The following MME variants were observed in gnomAD, a reference collection of about 807,000 sequenced individuals.
MME encodes neprilysin.
Under a neutral mutation model 113.2 loss-of-function variants are expected in MME, and 98 were observed. That is an observed-to-expected ratio of 0.87 (90% confidence interval 0.74 to 1.02). The LOEUF is 1.02. Ranked by LOEUF, MME falls within the 50% of genes least tolerant of loss-of-function variation. The pLI is 0.00. For synonymous variants in MME, 292 were observed against 300.6 expected (o/e 0.97, Z 0.30); for missense variants, 836 against 896.0 (o/e 0.93, Z 0.86).
chr3:155,042,356 A>C (rs1200944646), intron 1 of MME, among the ~76,000 whole-genome samples: 1 of 152,208 alleles, frequency 6.6e-6, no homozygotes, highest in African/African-American at 2.4e-5. Flanking sequence ...AGTAAGACAG[A>C]AACATATAAT....
At chr3:155,124,910 T>A (rs1276999903) in intron 8 of MME, among the ~76,000 whole-genome samples, 79 of 152,260 alleles carry the variant, frequency 5.2e-4, no homozygotes, top group Admixed American at 1.9e-3. Flanking sequence ...GAGCCTATAG[T>A]GGCAGGCAGG....
intron 1 of MME, among the ~76,000 whole-genome samples, chr3:155,025,198 G>A (rs1032306912): frequency 6.6e-6 from 1 of 152,140 alleles, no homozygotes; most frequent in African/African-American, 2.4e-5. Flanking sequence ...CCCAGCCTTT[G>A]CCACTATATG....
Position 155,143,388 on chromosome 3 carries a change from C to T in MME, c.1189-55C>T, listed in dbSNP as rs555178255. On this transcript the variant is annotated intron_variant, in intron 12 of 22. Transcript: ENST00000360490. The stretch of plus-strand genomic sequence containing the variant: ...ACATTTGTGAAATGTGTGCTCTTAA[C>T]ATGCTCCAGACCTTTCCTTCTGGTC... 139 of 1,596,506 alleles carry T rather than the reference C, an allele frequency of 8.7e-5. No individual in the cohort carries two copies. The Middle Eastern group carries it at 1.3e-3, about 15-fold the overall frequency.
At chr3:155,063,425 TA>T (rs1366171651) in intron 1 of MME, among the ~76,000 whole-genome samples, 3 of 90,362 alleles carry the variant, frequency 3.3e-5, no homozygotes, top group Non-Finnish European at 6.3e-5. Flanking sequence ...TTATTCATAA[TA>T]AAAATATTAT....
At chr3:155,047,700 C>T (rs1471508205) in intron 1 of MME, among the ~76,000 whole-genome samples, 2 of 152,116 alleles carry the variant, frequency 1.3e-5, no homozygotes. Context: ...TGTCTTTTCT[C>T]CTGACGATTA....
At chr3:155,142,897 C>T (rs1017304694) in intron 12 of MME, among the ~76,000 whole-genome samples, 4 of 152,112 alleles carry the variant, frequency 2.6e-5, no homozygotes, top group South Asian at 2.1e-4. Context: ...AAGAAAATAA[C>T]GTGGACTGAT....
intron 8 of MME, among the ~76,000 whole-genome samples, chr3:155,119,119 A>G (rs930501859): frequency 6.6e-6 from 1 of 152,208 alleles, no homozygotes; most frequent in Non-Finnish European, 1.5e-5. Context: ...TGTAAACTGC[A>G]TTATTTAAAA....
At chr3:155,093,630 G>T (rs1470738212) in intron 3 of MME, among the ~76,000 whole-genome samples, 2 of 152,134 alleles carry the variant, frequency 1.3e-5, no homozygotes, top group Admixed American at 1.3e-4. Flanking sequence ...GGCCGAGGCA[G>T]GTGGCTCACG....
chr3:155,172,086 T>C, intron 20 of MME, 31 bp from the exon 21 acceptor site: 1 of 1,230,404 alleles, frequency 8.1e-7, no homozygotes. Flanking sequence ...GGAATTAATA[T>C]TATTGTTTTT....
intron 1 of MME, among the ~76,000 whole-genome samples, chr3:155,031,297 C>T (rs565209421): frequency 3.0e-4 from 46 of 152,168 alleles, no homozygotes; most frequent in African/African-American, 1.1e-3. Context: ...TCAGTAGTTT[C>T]ATTTTCATTC....
chr3:155,063,782 C>G (rs1347497130), intron 1 of MME, among the ~76,000 whole-genome samples: 1 of 146,718 alleles, frequency 6.8e-6, no homozygotes, highest in Admixed American at 7.2e-5. Context: ...CAAAAAGATG[C>G]CTGCATATAG....
chr3:155,180,343 T>G lies in MME; in HGVS notation c.2154-17T>G, dbSNP rs753705924. The G allele has an allele frequency of 1.9e-5, 31 of 1,604,640 alleles. No individual in the cohort carries two copies. The highest frequency in any genetic ancestry group is 3.3e-5 in the Admixed American group (2 of 59,994). ...AGTATCAAATGCTGACGGTGACTTTTTTTGTTTGTTTCAAAGGATTATTGG... is the reference window on the plus strand; with the variant it reads ...AGTATCAAATGCTGACGGTGACTTTGTTTGTTTGTTTCAAAGGATTATTGG... On this transcript the variant is annotated splice_polypyrimidine_tract_variant and intron_variant, in intron 22 of 22. Coordinates refer to ENST00000360490, the MANE Select transcript of MME (RefSeq NM_007289.4).
intron 1 of MME, among the ~76,000 whole-genome samples, chr3:155,035,946 T>A (rs61489236): frequency 0.053 from 8,103 of 152,040 alleles, 637 homozygotes; most frequent in African/African-American, 0.17. Flanking sequence ...TAAAAGAAAA[T>A]ACACCACTCA....
chr3:155,074,489 T>C (rs979023564), intron 1 of MME, among the ~76,000 whole-genome samples: 1 of 152,044 alleles, frequency 6.6e-6, no homozygotes, highest in East Asian at 1.9e-4. Flanking sequence ...TGGAGTGCAG[T>C]GGCATGACCT....
chr3:155,077,138 G>A (rs1714774258), upstream of MME, among the ~76,000 whole-genome samples: 1 of 152,092 alleles, frequency 6.6e-6, no homozygotes, highest in South Asian at 2.1e-4. Flanking sequence ...TGGTCCAAAT[G>A]CCTCTGACAG....
At chr3:155,102,242 A>G (rs541212283) in intron 3 of MME, among the ~76,000 whole-genome samples, 21 of 152,330 alleles carry the variant, frequency 1.4e-4, no homozygotes, top group Admixed American at 8.5e-4. Flanking sequence ...ATGATTTACT[A>G]TAAGAAGGTG....
chr3:155,146,124 A>G (rs1381064430), intron 14 of MME, among the ~76,000 whole-genome samples: 1 of 152,216 alleles, frequency 6.6e-6, no homozygotes, highest in African/African-American at 2.4e-5. Context: ...GAAAATCAAG[A>G]GAGAAATAAA....
At chr3:155,080,051 CGCCCAGGGCGCTGGGA>C (rs1714977072), upstream of MME, 1 of 152,688 alleles carries the variant, frequency 6.5e-6, no homozygotes. Flanking sequence ...AGGGCGCGAG[CGCCCAGGGCGCTGGGA>C]GCCCGTGGGA....
intron 16 of MME, among the ~76,000 whole-genome samples, chr3:155,152,459 T>C (rs1423736017): frequency 6.6e-6 from 1 of 152,194 alleles, no homozygotes; most frequent in Non-Finnish European, 1.5e-5. Flanking sequence ...AGAATGTAGC[T>C]CTTTATGAAT....
Sources: allele counts gnomAD v4.1 joint callset (sites outside exome capture counted in the v4.1 genomes callset), GRCh38; gene constraint gnomAD v4.1.1; transcripts MANE v1.5; gene names NCBI Gene and HGNC (gene_info 2026-07-23, HGNC 2026-07-21).